Variants in FYB1 observed in about 807,000 individuals in gnomAD.
The protein encoded by FYB1 is FYN-binding protein 1.
Under a neutral mutation model 94.1 loss-of-function variants are expected in FYB1, and 41 were observed. The observed-to-expected ratio is 0.44, with a 90% CI of 0.34 to 0.57. The LOEUF (loss-of-function observed/expected upper bound fraction) is 0.57. FYB1 is among the 20% of genes least tolerant of loss of function. The pLI is 0.02. For missense variants in FYB1, 1,050 were observed against 976.8 expected (o/e 1.07, Z -1.00); for synonymous variants, 367 against 353.2 (o/e 1.04, Z -0.44).
intron 2 of FYB1, among the ~76,000 whole-genome samples, chr5:39,179,548 CT>C (rs11405241): frequency 6.7e-4 from 94 of 139,618 alleles, no homozygotes; most frequent in Non-Finnish European, 5.4e-4. Flanking sequence ...CTTCTTTTTT[CT>C]TTTTTTTTTT....
chr5:39,235,324 T>C (rs966144440), intron 1 of FYB1, among the ~76,000 whole-genome samples: 49 of 151,802 alleles, frequency 3.2e-4, no homozygotes, highest in African/African-American at 1.2e-3. Flanking sequence ...ATGTTTTTCT[T>C]GAGAAATGAA....
rs1738706811 is a variant in FYB1 at position 39,108,219 on chromosome 5, C to CG, written c.2467+11_2467+12insC. 6.6e-7 allele frequency: 1 copy of CG among 1,522,220 alleles called. No homozygotes were observed. Among genetic ancestry groups the CG allele is most frequent in the South Asian group, 1.2e-5 (1 of 82,778 alleles). 94.3% of individuals were successfully genotyped at this position (1,522,220 alleles called of 1,614,324 possible). On this transcript the variant is annotated intron_variant, in intron 18 of 18. Transcript: ENST00000512982. ...ATGACTGTTCTCTAGGGTGGTACTA[C>CG]ATAAGACTTACCATCAGCAATATCA...
At chr5:39,230,617 GCTTCT>G (rs1234762802) in intron 1 of FYB1, among the ~76,000 whole-genome samples, 1 of 151,978 alleles carries the variant, frequency 6.6e-6, no homozygotes, top group Non-Finnish European at 1.5e-5. Flanking sequence ...CATCCCTGCA[GCTTCT>G]CTTCTGTCTT....
At chr5:39,187,298 G>A (rs559499616) in intron 2 of FYB1, among the ~76,000 whole-genome samples, 1 of 152,260 alleles carries the variant, frequency 6.6e-6, no homozygotes, top group African/African-American at 2.4e-5. Context: ...ACTTGAGAGT[G>A]TTTTTCTTCA....
chr5:39,109,430 A>T (rs1044072706), intron 17 of FYB1, among the ~76,000 whole-genome samples: 3 of 152,094 alleles, frequency 2.0e-5, no homozygotes, highest in Admixed American at 6.6e-5. Context: ...TTGTCCTATT[A>T]TTTGCCACAC....
intron 2 of FYB1, among the ~76,000 whole-genome samples, chr5:39,197,691 G>A (rs1747953261): frequency 6.6e-6 from 1 of 152,242 alleles, no homozygotes; most frequent in Non-Finnish European, 1.5e-5. Context: ...TGGCTTTGCA[G>A]CCTCTCCACC....
chr5:39,213,784 G>A (rs1749625598), intron 1 of FYB1, among the ~76,000 whole-genome samples: 1 of 152,054 alleles, frequency 6.6e-6, no homozygotes, highest in African/African-American at 2.4e-5. Flanking sequence ...CTAACTGGTA[G>A]TTTAGGGGCC....
At chr5:39,191,568 C>T (rs1420730025) in intron 2 of FYB1, among the ~76,000 whole-genome samples, 1 of 152,006 alleles carries the variant, frequency 6.6e-6, no homozygotes, top group African/African-American at 2.4e-5. Context: ...ATGTTTTTTT[C>T]TACCTTTGAT....
chr5:39,267,358 T>TATCATCATCATCATCATC (rs10658182), intron 1 of FYB1, among the ~76,000 whole-genome samples: 1 of 145,208 alleles, frequency 6.9e-6, no homozygotes, highest in Non-Finnish European at 1.5e-5. Flanking sequence ...GTGGGATAGC[T>TATCATCATCATCATCATC]ATCATCATCA....
intron 1 of FYB1, among the ~76,000 whole-genome samples, chr5:39,204,686 T>C (rs1423189627): frequency 6.6e-6 from 1 of 152,128 alleles, no homozygotes; most frequent in East Asian, 1.9e-4. Flanking sequence ...GCTTGGAGAA[T>C]GAGGGCAGGC....
At chr5:39,159,820 A>G (rs145582968) in intron 2 of FYB1, among the ~76,000 whole-genome samples, 65 of 152,282 alleles carry the variant, frequency 4.3e-4, no homozygotes, top group Admixed American at 1.8e-3. Flanking sequence ...TCATTGCATC[A>G]AGCAAGAAAC....
In FYB1 at chr5:39,202,001, C is replaced by T. The variant is rs41308234; in HGVS notation, c.960G>A (p.Leu320=). ...TTTGGCCCCATGGCCCCCCCACTGT[C>T]AGCTTAGAAGGGGCCTTAGGGAACC... The part of the protein sequence containing the change: ...PARFPKAPSK[L]TVGGPWGQSQ... Residue 320 remains leucine (L), a synonymous_variant, in exon 2 of 19, where the codon CTG becomes CTA. Transcript: ENST00000512982. 15 of 1,613,934 alleles carry T rather than the reference C, an allele frequency of 9.3e-6. No individual in the cohort carries two copies. Among genetic ancestry groups the T allele is most frequent in the Non-Finnish European group, 1.2e-5 (14 of 1,179,908 alleles).
rs190313655 is a variant in FYB1, at chr5:39,142,761, T to G, written c.1293-1620A>C. Among the ~76,000 whole-genome samples, 634 of 152,334 alleles carry G rather than the reference T, an allele frequency of 4.2e-3. 4 individuals are homozygous for G. The highest frequency in any genetic ancestry group is 0.014 in the African/African-American group (599 of 41,578). On this transcript the variant is annotated intron_variant, in intron 3 of 18. Transcript: ENST00000512982. ...TTTCCCGACTGCAATCTTTCCCCTATTGCCACTTCTTCCCTGAGAGTATTC... is the reference window on the plus strand; with the variant it reads ...TTTCCCGACTGCAATCTTTCCCCTAGTGCCACTTCTTCCCTGAGAGTATTC...
At chr5:39,179,665 C>A (rs947721776) in intron 2 of FYB1, among the ~76,000 whole-genome samples, 3 of 151,742 alleles carry the variant, frequency 2.0e-5, no homozygotes, top group African/African-American at 7.3e-5. Flanking sequence ...CCTGCCTCAG[C>A]CTCCCAAGTA....
chr5:39,113,858 GA>G lies in FYB1; in HGVS notation c.2402-3470del, dbSNP rs367851845. ...GGAAAATGCTCATAGTATAATAAAAGAAAAAACAGAGCGTTGTATATAATAC... is the reference window on the plus strand; with the variant it reads ...GGAAAATGCTCATAGTATAATAAAAGAAAAACAGAGCGTTGTATATAATAC... On this transcript the variant is annotated intron_variant, in intron 16 of 18. Coordinates refer to ENST00000512982, the MANE Select transcript of FYB1 (RefSeq NM_001465.6). 2.0e-5 allele frequency among the ~76,000 whole-genome samples: 3 copies of G among 151,890 alleles called. 1 individual carries two copies. The highest frequency in any genetic ancestry group is 7.3e-5 in the African/African-American group (3 of 41,364).
upstream of FYB1, among the ~76,000 whole-genome samples, chr5:39,221,084 A>G (rs1750230858): frequency 6.6e-6 from 1 of 152,144 alleles, no homozygotes; most frequent in Non-Finnish European, 1.5e-5. Flanking sequence ...AGGATAAGGC[A>G]TTTTCTAGTC....
chr5:39,213,539 G>A (rs1749599987), intron 1 of FYB1, among the ~76,000 whole-genome samples: 1 of 152,186 alleles, frequency 6.6e-6, no homozygotes, highest in Non-Finnish European at 1.5e-5. Flanking sequence ...GCAAGGCATG[G>A]GGTTTATAGG....
intron 2 of FYB1, among the ~76,000 whole-genome samples, chr5:39,154,587 A>AC (rs1743578940): frequency 6.6e-6 from 1 of 151,086 alleles, no homozygotes; most frequent in Non-Finnish European, 1.5e-5. Flanking sequence ...GCTCACTGCA[A>AC]CCTCTGCCTC....
At chr5:39,166,412 G>A (rs1744741926) in intron 2 of FYB1, among the ~76,000 whole-genome samples, 1 of 150,622 alleles carries the variant, frequency 6.6e-6, no homozygotes, top group Non-Finnish European at 1.5e-5. Flanking sequence ...CTCCAGTCTG[G>A]GCAACAAGGT....
Sources: allele counts gnomAD v4.1 joint callset (sites outside exome capture counted in the v4.1 genomes callset), GRCh38; gene constraint gnomAD v4.1.1; transcripts MANE v1.5; gene names NCBI Gene and HGNC (gene_info 2026-07-23, HGNC 2026-07-21).